Variants in IGSF21 observed in about 807,000 individuals in gnomAD.
IGSF21 encodes immunoglobin superfamily member 21.
IGSF21 carries 28 observed loss-of-function variants against 46.8 expected under a neutral mutation model. The observed-to-expected ratio is 0.60, with a 90% confidence interval of 0.44 to 0.82. IGSF21 has a LOEUF of 0.82. Among genes scored for constraint, IGSF21 ranks in the 40% least tolerant of loss-of-function variants. The pLI is 0.00. For synonymous variants in IGSF21, 284 were observed against 273.6 expected (o/e 1.04, Z -0.38); for missense variants, 624 against 665.5 (o/e 0.94, Z 0.69).
intron 2 of IGSF21, among the ~76,000 whole-genome samples, chr1:18,256,858 G>A (rs551529877): frequency 1.1e-3 from 161 of 152,250 alleles, no homozygotes; most frequent in African/African-American, 3.6e-3. Flanking sequence ...CCAGGGACAT[G>A]GAGACCAGGT....
intron 2 of IGSF21, among the ~76,000 whole-genome samples, chr1:18,258,263 G>C (rs1214086639): frequency 6.6e-6 from 1 of 152,148 alleles, no homozygotes; most frequent in Non-Finnish European, 1.5e-5. Flanking sequence ...GGTGTTTGGG[G>C]ATTAAAGGGA....
intron 2 of IGSF21, among the ~76,000 whole-genome samples, chr1:18,241,352 C>T (rs1265387918): frequency 6.6e-6 from 1 of 152,092 alleles, no homozygotes; most frequent in Admixed American, 6.5e-5. Context: ...CAGTATGCAC[C>T]CATAAGTGAA....
At chr1:18,308,581 A>G (rs1046045477) in intron 3 of IGSF21, among the ~76,000 whole-genome samples, 1 of 152,158 alleles carries the variant, frequency 6.6e-6, no homozygotes, top group Non-Finnish European at 1.5e-5. Flanking sequence ...AGATTAAAAA[A>G]CTGAGGCCCA....
intron 1 of IGSF21, among the ~76,000 whole-genome samples, chr1:18,158,069 T>A (rs2086583906): frequency 6.6e-6 from 1 of 152,118 alleles, no homozygotes; most frequent in African/African-American, 2.4e-5. Context: ...CCCATCAAAC[T>A]GGGATCTTTC....
chr1:18,249,345 G>A (rs1012228874), intron 2 of IGSF21, among the ~76,000 whole-genome samples: 2 of 152,126 alleles, frequency 1.3e-5, no homozygotes, highest in South Asian at 2.1e-4. Context: ...CCCGAGTTAG[G>A]GGATCAGCAG....
chr1:18,289,041 G>T (rs1308981268), intron 2 of IGSF21, among the ~76,000 whole-genome samples: 3 of 152,134 alleles, frequency 2.0e-5, no homozygotes, highest in South Asian at 2.1e-4. Context: ...GGGGTGTGTG[G>T]GTATGTGTGT....
intron 2 of IGSF21, among the ~76,000 whole-genome samples, chr1:18,260,586 G>A (rs1209986260): frequency 6.6e-6 from 1 of 152,220 alleles, no homozygotes; most frequent in Non-Finnish European, 1.5e-5. Flanking sequence ...ATTAAGGTGT[G>A]AATTATGTGG....
rs186979536 is a variant in IGSF21 at position 18,371,232 on chromosome 1, A to G, written c.1016-5078A>G. Among the ~76,000 whole-genome samples the G allele has an allele frequency of 2.6e-5, 4 of 152,350 alleles. No individual in the cohort carries two copies. In the East Asian group the frequency reaches 7.7e-4, roughly 29 times the overall value. Reference sequence around the variant, plus strand: ...AACAAAATACTTTTTATCAATACAAATGAATGAACTCATGATACCTGCATT... The same window carrying G: ...AACAAAATACTTTTTATCAATACAAGTGAATGAACTCATGATACCTGCATT... On this transcript the variant is annotated intron_variant, in intron 6 of 9. Coordinates refer to ENST00000251296, the MANE Select transcript of IGSF21 (RefSeq NM_032880.5).
At chr1:18,279,295 T>C (rs2085135457) in intron 2 of IGSF21, among the ~76,000 whole-genome samples, 2 of 152,362 alleles carry the variant, frequency 1.3e-5, no homozygotes, top group Non-Finnish European at 2.9e-5. Flanking sequence ...TTAAGGTATA[T>C]GGCTCCTGAC....
intron 4 of IGSF21, among the ~76,000 whole-genome samples, chr1:18,352,372 G>A (rs773358360): frequency 6.6e-6 from 1 of 152,278 alleles, no homozygotes; most frequent in African/African-American, 2.4e-5. Context: ...TAGAATCTCA[G>A]GACTTGTTAA....
At chr1:18,312,071 G>A (rs147994904) in intron 3 of IGSF21, among the ~76,000 whole-genome samples, 12 of 152,266 alleles carry the variant, frequency 7.9e-5, no homozygotes, top group East Asian at 5.8e-4. Context: ...TCTCCGTAGC[G>A]TGTATCTCTG....
At chr1:18,119,821 C>A (rs183850174) in intron 1 of IGSF21, among the ~76,000 whole-genome samples, 5 of 151,922 alleles carry the variant, frequency 3.3e-5, no homozygotes. Context: ...CAACTGGTAC[C>A]AATTTGCCAT....
At chr1:18,321,639 C>T (rs114995056) in intron 3 of IGSF21, among the ~76,000 whole-genome samples, 456 of 152,344 alleles carry the variant, frequency 3.0e-3, no homozygotes, top group African/African-American at 9.4e-3. Flanking sequence ...GTGGCTGTGT[C>T]CTCCCATGCT....
intron 4 of IGSF21, among the ~76,000 whole-genome samples, chr1:18,343,630 AG>A (rs2085864415): frequency 6.6e-6 from 1 of 152,176 alleles, no homozygotes; most frequent in South Asian, 2.1e-4. Context: ...ATATGGTGTG[AG>A]GGAGGGGTCC....
intron 1 of IGSF21, among the ~76,000 whole-genome samples, chr1:18,157,367 TG>T (rs2086577927): frequency 6.6e-6 from 1 of 152,146 alleles, no homozygotes; most frequent in Non-Finnish European, 1.5e-5. Context: ...TGAGCCACTC[TG>T]GGGGCAGCTC....
intron 4 of IGSF21, among the ~76,000 whole-genome samples, chr1:18,342,390 G>T (rs2085852253): frequency 6.6e-6 from 1 of 152,112 alleles, no homozygotes; most frequent in African/African-American, 2.4e-5. Flanking sequence ...CACCAAGCCC[G>T]GCCCTTTGGT....
chr1:18,232,209 C>CTTTTTTTTTTTT (rs55775011), intron 2 of IGSF21, among the ~76,000 whole-genome samples: 7,841 of 103,780 alleles, frequency 0.076, 243 homozygotes, highest in East Asian at 0.095. Context: ...CTCCAGACAG[C>CTTTTTTTTTTTT]TTTTTTTTGG....
At position 18,335,528 on chromosome 1, in the gene IGSF21, G is replaced by A. The variant is rs2085757763; in HGVS notation, c.424+518G>A. Among the ~76,000 whole-genome samples, 1 of 152,138 alleles carries A rather than the reference G, an allele frequency of 6.6e-6. No individual in the cohort carries two copies. Among genetic ancestry groups the A allele is most frequent in the South Asian group, 2.1e-4 (1 of 4,828 alleles). On this transcript the variant is annotated intron_variant, in intron 4 of 9. Transcript: ENST00000251296. This position sits in a 1 kb window ranked among gnomAD's most constrained non-coding sequence, Gnocchi z 4.8. ...TCTGTCTCTAGCTGGCTGGGTCCTT[G>A]GGTAAGTCTATCCCCATCCCAGACT...
intron 4 of IGSF21, among the ~76,000 whole-genome samples, chr1:18,354,911 A>G (rs1336059507): frequency 3.4e-5 from 3 of 87,712 alleles, no homozygotes; most frequent in Admixed American, 1.1e-4. Flanking sequence ...TTTGCTCAGC[A>G]CTTTGCTATC....
Sources: allele counts gnomAD v4.1 joint callset (sites outside exome capture counted in the v4.1 genomes callset), GRCh38; gene constraint gnomAD v4.1.1; non-coding constraint Gnocchi (gnomAD v3.1); transcripts MANE v1.5; gene names NCBI Gene and HGNC (gene_info 2026-07-23, HGNC 2026-07-21).